Variants in ADGRE3 observed in about 807,000 individuals in gnomAD.
The protein encoded by ADGRE3 is EGF-like module receptor 3.
Under a neutral mutation model 80.1 loss-of-function variants are expected in ADGRE3, and 88 were observed. The observed-to-expected ratio is 1.10, with a 90% CI of 0.93 to 1.31. The LOEUF (loss-of-function observed/expected upper bound fraction) is 1.31. ADGRE3 is among the 40% of genes most tolerant of loss of function. ADGRE3 has a pLI of 0.00. For missense variants in ADGRE3, 715 were observed against 776.5 expected, an observed-to-expected ratio of 0.92 and a Z score of 0.94; for synonymous variants, 281 against 294.8, an observed-to-expected ratio of 0.95 and a Z score of 0.48.
Position 14,662,910 on chromosome 19 carries a change from A to C in ADGRE3, c.199+508T>G, listed in dbSNP as rs1971991800. The stretch of plus-strand genomic sequence containing the variant: ...AGTAACAATCCATCTCTACAAAAAA[A>C]AAAAAAAAAAAAAAAAAATTAGCTG... On this transcript the variant is annotated intron_variant, in intron 3 of 15. Transcript: ENST00000253673. Among the ~76,000 whole-genome samples the C allele has an allele frequency of 3.6e-5, 3 of 84,338 alleles. No individual in the cohort carries two copies. In the Admixed American group the frequency reaches 4.1e-4, roughly 11 times the overall value. The allele number at this position is 84,338 out of a possible 152,430, so 55.3% of individuals were successfully genotyped here.
intron 14 of ADGRE3, among the ~76,000 whole-genome samples, chr19:14,629,223 C>T (rs539144477): frequency 2.0e-5 from 3 of 152,226 alleles, no homozygotes; most frequent in African/African-American, 7.2e-5. Context: ...TGCACCCTGC[C>T]GATTGGAAAC....
At chr19:14,617,254 T>TTCCTTC (rs1568469344), downstream of ADGRE3, among the ~76,000 whole-genome samples, 1 of 151,514 alleles carries the variant, frequency 6.6e-6, no homozygotes, top group African/African-American at 2.4e-5. Context: ...CTTTTTTCTT[T>TTCCTTC]CTTCCTTCCT....
intron 4 of ADGRE3, among the ~76,000 whole-genome samples, chr19:14,660,686 T>C (rs1971922995): frequency 6.6e-6 from 1 of 152,164 alleles, no homozygotes; most frequent in Non-Finnish European, 1.5e-5. Flanking sequence ...ATGGGTGGTC[T>C]ACCAAGTCTC....
intron 2 of ADGRE3, among the ~76,000 whole-genome samples, chr19:14,664,268 T>C (rs1972032384): frequency 6.6e-6 from 1 of 151,976 alleles, no homozygotes; most frequent in Non-Finnish European, 1.5e-5. Context: ...TGAAACCCCA[T>C]CTCTACTGAA....
At chr19:14,608,503 G>A in the ADGRE3 span, among the ~76,000 whole-genome samples, 1 of 152,044 alleles carries the variant, frequency 6.6e-6, no homozygotes, top group Non-Finnish European at 1.5e-5. Context: ...AGGCTGTCTG[G>A]ACCCTGAACC....
At chr19:14,620,497 A>C (rs1970532491) in intron 15 of ADGRE3, among the ~76,000 whole-genome samples, 1 of 41,068 alleles carries the variant, frequency 2.4e-5, no homozygotes, top group Non-Finnish European at 5.0e-5. Context: ...ATATATATGA[A>C]TATATGAATA....
chr19:14,667,262 C>A (rs865859620), intron 2 of ADGRE3, among the ~76,000 whole-genome samples: 1 of 151,850 alleles, frequency 6.6e-6, no homozygotes, highest in Non-Finnish European at 1.5e-5. Flanking sequence ...AATGCAAATA[C>A]CCTTCCATCC....
At chr19:14,601,741 C>T in the ADGRE3 span, among the ~76,000 whole-genome samples, 1 of 152,168 alleles carries the variant, frequency 6.6e-6, no homozygotes, top group Non-Finnish European at 1.5e-5. Flanking sequence ...GCCTCACCCT[C>T]CTGAGTAGCT....
intron 15 of ADGRE3, among the ~76,000 whole-genome samples, chr19:14,620,981 G>T (rs1229371999): frequency 1.3e-5 from 2 of 151,916 alleles, no homozygotes; most frequent in South Asian, 2.1e-4. Context: ...TCAACAGTTG[G>T]CACTTTTACT....
chr19:14,614,646 G>A (rs913409462), downstream of ADGRE3, among the ~76,000 whole-genome samples: 15 of 148,140 alleles, frequency 1.0e-4, 1 homozygote, highest in East Asian at 1.0e-3. Context: ...GTGTGATCTC[G>A]GCTCACTGCA....
intron 15 of ADGRE3, among the ~76,000 whole-genome samples, chr19:14,623,618 C>T (rs1172569379): frequency 6.6e-6 from 1 of 152,194 alleles, no homozygotes; most frequent in African/African-American, 2.4e-5. Flanking sequence ...TGCAATTATG[C>T]AGAGCAGCTG....
downstream of ADGRE3, among the ~76,000 whole-genome samples, chr19:14,617,732 C>T (rs1457723245): frequency 6.6e-6 from 1 of 151,880 alleles, no homozygotes; most frequent in Non-Finnish European, 1.5e-5. Context: ...TCCTATTATT[C>T]TCATATTAAA....
At chr19:14,636,084 T>TTCTTTCTTTTTCTTTCTC (rs1971054551) in intron 11 of ADGRE3, among the ~76,000 whole-genome samples, 1 of 19,212 alleles carries the variant, frequency 5.2e-5, no homozygotes, top group Non-Finnish European at 1.2e-4. Context: ...TCCTTTCCCT[T>TTCTTTCTTTTTCTTTCTC]TCTTTCTTTC....
intron 8 of ADGRE3, among the ~76,000 whole-genome samples, chr19:14,645,461 C>A (rs1971373033): frequency 6.6e-6 from 1 of 151,946 alleles, no homozygotes; most frequent in African/African-American, 2.4e-5. Flanking sequence ...GACTTGGAGA[C>A]CAGTTTGTCC....
intron 1 of ADGRE3, among the ~76,000 whole-genome samples, chr19:14,671,539 T>A (rs375704479): frequency 6.6e-5 from 10 of 152,310 alleles, no homozygotes; most frequent in African/African-American, 2.4e-4. Flanking sequence ...TTAATCAACA[T>A]CTGCAAAGTT....
chr19:14,641,445 C>T lies in ADGRE3; in HGVS notation c.1222G>A (p.Val408Met), dbSNP rs202195537. The change falls in exon 10 of 16, where the codon GTG (valine) becomes ATG (methionine). Residue 408 changes from valine (V) to methionine (M), a missense_variant. Transcript: ENST00000253673. ...CLFLAHLLFLVGIDRTEPKVL... is the reference protein window; with the variant it reads ...CLFLAHLLFLMGIDRTEPKVL... ...TTGGGTTCAGTTCGATCAATCCCCACGAGGAAGAGGAGGTGGGCCAGGAAG... is the reference window on the plus strand; with the variant it reads ...TTGGGTTCAGTTCGATCAATCCCCATGAGGAAGAGGAGGTGGGCCAGGAAG... 7.4e-6 allele frequency: 12 copies of T among 1,613,952 alleles called. No homozygotes were observed. The highest frequency in any genetic ancestry group is 6.7e-5 in the Admixed American group (4 of 59,976).
the ADGRE3 span, among the ~76,000 whole-genome samples, chr19:14,606,537 G>A: frequency 2.6e-5 from 4 of 151,928 alleles, no homozygotes; most frequent in African/African-American, 7.3e-5. Context: ...AAAATTAGCC[G>A]GGCGTGGTGG....
intron 7 of ADGRE3, among the ~76,000 whole-genome samples, chr19:14,649,390 ATC>A (rs1235597206): frequency 1.2e-5 from 1 of 83,222 alleles, no homozygotes; most frequent in Non-Finnish European, 2.5e-5. Context: ...CTCTCTCCCC[ATC>A]TCTCTCTTTC....
intron 1 of ADGRE3, among the ~76,000 whole-genome samples, chr19:14,672,440 G>A (rs1972281594): frequency 6.6e-6 from 1 of 152,198 alleles, no homozygotes; most frequent in African/African-American, 2.4e-5. Flanking sequence ...ATGTGAAATA[G>A]GGTGGCAGTA....
Sources: gnomAD v4.1 joint callset for allele counts (sites outside exome capture counted in the v4.1 genomes callset) on GRCh38, gnomAD v4.1.1 for gene constraint, MANE v1.5 for transcripts, NCBI Gene and HGNC (gene_info 2026-07-23, HGNC 2026-07-21) for gene names.